Variants in CYP7B1 observed in about 807,000 individuals in gnomAD.
The protein encoded by CYP7B1 is cytochrome P450 family 7 subfamily B member 1, also known as cytochrome P450 7B1.
Under a neutral mutation model 42.7 loss-of-function variants are expected in CYP7B1, and 29 were observed. The ratio of observed to expected loss-of-function variants is 0.68; its 90% CI spans 0.51 to 0.93. CYP7B1 has a LOEUF of 0.93. Among genes scored for constraint, CYP7B1 ranks in the 40% least tolerant of loss-of-function variants. CYP7B1 has a pLI of 0.00. For synonymous variants in CYP7B1, 235 were observed against 218.2 expected, an observed-to-expected ratio of 1.08 and a Z score of -0.68; for missense variants, 655 against 600.5, an observed-to-expected ratio of 1.09 and a Z score of -0.95.
intron 5 of CYP7B1, 108 bp from the exon 6 acceptor site, chr8:64,597,037 C>G (rs1805130422): frequency 1.0e-6 from 1 of 957,550 alleles, no homozygotes; most frequent in South Asian, 1.8e-5. Context: ...TCCTTTTAAT[C>G]AGGTGAACAC....
chr8:64,721,255 C>T (rs1255007174), intron 1 of CYP7B1, among the ~76,000 whole-genome samples: 1 of 152,134 alleles, frequency 6.6e-6, no homozygotes. Context: ...CATTCACCAA[C>T]TTATACTAGC....
chr8:64,797,856 G>A (rs993582792), intron 1 of CYP7B1, among the ~76,000 whole-genome samples: 1 of 152,162 alleles, frequency 6.6e-6, no homozygotes. Context: ...AAATTAAAGT[G>A]ACACACGTCT....
At chr8:64,659,568 T>C (rs1446796187) in intron 1 of CYP7B1, among the ~76,000 whole-genome samples, 2 of 152,202 alleles carry the variant, frequency 1.3e-5, no homozygotes, top group South Asian at 4.1e-4. Flanking sequence ...GATACATACT[T>C]AGATGGTTCC....
intron 1 of CYP7B1, among the ~76,000 whole-genome samples, chr8:64,688,245 AT>A (rs1300897746): frequency 1.1e-4 from 17 of 152,156 alleles, no homozygotes; most frequent in African/African-American, 3.6e-4. Flanking sequence ...TTCTATCTCC[AT>A]CTTCTCTCTG....
chr8:64,657,979 G>A (rs771931961), intron 1 of CYP7B1, among the ~76,000 whole-genome samples: 11 of 152,174 alleles, frequency 7.2e-5, no homozygotes, highest in African/African-American at 1.7e-4. Context: ...TCAAGGCATC[G>A]TGTAAGGGCC....
At chr8:64,707,233 T>C (rs1293059545) in intron 1 of CYP7B1, among the ~76,000 whole-genome samples, 7 of 152,046 alleles carry the variant, frequency 4.6e-5, no homozygotes, top group Admixed American at 6.6e-5. Flanking sequence ...AAAATGAATA[T>C]TGGAGACAAT....
chr8:64,593,029 C>A lies in CYP7B1; in HGVS notation c.*3613G>T, dbSNP rs780442154. Among the ~76,000 whole-genome samples the A allele has an allele frequency of 3.8e-4, 58 of 152,164 alleles. 1 individual carries two copies. Among genetic ancestry groups the A allele is most frequent in the Non-Finnish European group, 6.9e-4 (47 of 68,016 alleles). ...ATCCTTACTTTCCATTTCTAAATTC[C>A]TGTACACATTTCCAGTTATAAAATA... On this transcript the variant is annotated 3_prime_UTR_variant, in exon 6 of 6. Transcript: ENST00000310193.
At chr8:64,677,808 T>A (rs1193100519) in intron 1 of CYP7B1, among the ~76,000 whole-genome samples, 1 of 146,452 alleles carries the variant, frequency 6.8e-6, no homozygotes, top group African/African-American at 2.6e-5. Context: ...ATCATTGTCA[T>A]GTAGTTAGCA....
chr8:64,746,761 T>C (rs540322208), intron 1 of CYP7B1, among the ~76,000 whole-genome samples: 245 of 152,240 alleles, frequency 1.6e-3, no homozygotes, highest in Admixed American at 4.7e-3. Flanking sequence ...CCAAACCCAA[T>C]GTTACATATT....
At chr8:64,596,999 C>T in intron 5 of CYP7B1, 70 bp from the exon 6 acceptor site, 3 of 1,353,548 alleles carry the variant, frequency 2.2e-6, no homozygotes, top group South Asian at 1.3e-5. Context: ...CACAAAGTTG[C>T]TAGCTCTCTC....
At chr8:64,761,161 G>A (rs1365767582) in intron 1 of CYP7B1, among the ~76,000 whole-genome samples, 4 of 152,134 alleles carry the variant, frequency 2.6e-5, no homozygotes, top group Non-Finnish European at 5.9e-5. Context: ...ACAGAGAGTA[G>A]AATGGTAGTT....
At chr8:64,766,497 G>A (rs778327514) in intron 1 of CYP7B1, among the ~76,000 whole-genome samples, 3 of 151,622 alleles carry the variant, frequency 2.0e-5, no homozygotes, top group Admixed American at 6.6e-5. Context: ...AGGAGCAGGC[G>A]GAACGGGACA....
chr8:64,796,252 C>T (rs1483212786), intron 1 of CYP7B1, among the ~76,000 whole-genome samples: 1 of 152,070 alleles, frequency 6.6e-6, no homozygotes, highest in African/African-American at 2.4e-5. Context: ...AAAATAATTG[C>T]AGCTGGTATG....
rs993496492 is a variant in CYP7B1 at position 64,598,758 on chromosome 8, A to G, written c.1234-1829T>C. Among the ~76,000 whole-genome samples the G allele has an allele frequency of 7.2e-5, 11 of 152,174 alleles. No homozygotes were observed. In the South Asian group the frequency reaches 2.1e-3, roughly 29 times the overall value. ...TTCAGTTCCCTCAAATTTCTACTCA[A>G]CGAGCAACACCATCCCTCTAGTTTC... is the stretch of plus-strand genomic sequence containing the variant. On this transcript the variant is annotated intron_variant, in intron 5 of 5. Coordinates refer to ENST00000310193, the MANE Select transcript of CYP7B1 (RefSeq NM_004820.5).
At chr8:64,653,879 A>C (rs1024195215) in intron 1 of CYP7B1, among the ~76,000 whole-genome samples, 1 of 152,254 alleles carries the variant, frequency 6.6e-6, no homozygotes. Context: ...TATCACATAA[A>C]CAGAACTACA....
intron 1 of CYP7B1, among the ~76,000 whole-genome samples, chr8:64,700,462 T>C (rs938543506): frequency 2.0e-5 from 3 of 152,092 alleles, no homozygotes; most frequent in Non-Finnish European, 4.4e-5. Context: ...TTGCTTCCCA[T>C]AGCATTGTGT....
chr8:64,768,250 A>G (rs1262546207), intron 1 of CYP7B1, among the ~76,000 whole-genome samples: 2 of 152,086 alleles, frequency 1.3e-5, no homozygotes, highest in African/African-American at 4.8e-5. Context: ...AGGGGGAGGG[A>G]CAATGATCGG....
chr8:64,698,501 C>T (rs1042479688), intron 1 of CYP7B1, among the ~76,000 whole-genome samples: 10 of 152,324 alleles, frequency 6.6e-5, no homozygotes, highest in African/African-American at 2.4e-4. Flanking sequence ...TGAGTAAGAA[C>T]ATCTTCAGGC....
At chr8:64,653,331 C>G (rs1806068648) in intron 1 of CYP7B1, among the ~76,000 whole-genome samples, 1 of 152,058 alleles carries the variant, frequency 6.6e-6, no homozygotes, top group Non-Finnish European at 1.5e-5. Context: ...ACCACTGACC[C>G]CACAGAAATA....
Sources: allele counts gnomAD v4.1 joint callset (sites outside exome capture counted in the v4.1 genomes callset), GRCh38; gene constraint gnomAD v4.1.1; transcripts MANE v1.5; gene names NCBI Gene and HGNC (gene_info 2026-07-23, HGNC 2026-07-21).